Variants in NAALADL2 observed in about 807,000 individuals in gnomAD.
NAALADL2 encodes N-acetylated alpha-linked acidic dipeptidase like 2.
Under a neutral mutation model 87.2 loss-of-function variants are expected in NAALADL2, and 76 were observed. The ratio of observed to expected loss-of-function variants is 0.87; its 90% CI spans 0.72 to 1.05. The LOEUF is 1.05. Ranked by LOEUF, NAALADL2 falls within the 50% of genes least tolerant of loss-of-function variation. The probability of loss-of-function intolerance (pLI) is 0.00; values close to 1 mark genes in which losing one functional copy is unlikely to be tolerated. For synonymous variants in NAALADL2, 354 were observed against 331.0 expected, an observed-to-expected ratio of 1.07 and a Z score of -0.75; for missense variants, 1,089 against 945.8, an observed-to-expected ratio of 1.15 and a Z score of -1.99.
rs960615163 is a variant in NAALADL2, at chr3:175,803,459, A to T, written c.*256A>T. ...ACTTAAGAATTACCTATTAAAAAGA[A>T]ATCTGATATATAAAAATATGTACTA... On this transcript the variant is annotated 3_prime_UTR_variant, in exon 14 of 14. Coordinates refer to ENST00000454872, the MANE Select transcript of NAALADL2 (RefSeq NM_207015.3). 2 of 247,620 alleles carry T rather than the reference A, an allele frequency of 8.1e-6. No homozygotes were observed. Among genetic ancestry groups the T allele is most frequent in the South Asian group, 1.0e-4 (1 of 9,800 alleles). 15.3% of individuals were successfully genotyped at this position (247,620 alleles called of 1,614,324 possible).
intron 1 of NAALADL2, among the ~76,000 whole-genome samples, chr3:175,051,066 G>T (rs1489085393): frequency 6.6e-6 from 1 of 152,144 alleles, no homozygotes; most frequent in East Asian, 1.9e-4. Context: ...AAGAACCAGG[G>T]ATGTAAACTC....
At chr3:174,735,795 G>A (rs1236415994) in intron 2 of NAALADL2, among the ~76,000 whole-genome samples, 1 of 152,118 alleles carries the variant, frequency 6.6e-6, no homozygotes, top group East Asian at 1.9e-4. Flanking sequence ...ATGCTTTTCT[G>A]TTTGGAAACC....
intron 2 of NAALADL2, among the ~76,000 whole-genome samples, chr3:174,583,516 A>C (rs1716385290): frequency 6.6e-6 from 1 of 152,210 alleles, no homozygotes; most frequent in South Asian, 2.1e-4. Context: ...AACCTATCCA[A>C]GGTTAAGCAT....
chr3:175,267,774 C>T (rs1435980425), intron 4 of NAALADL2, among the ~76,000 whole-genome samples: 1 of 152,082 alleles, frequency 6.6e-6, no homozygotes, highest in Non-Finnish European at 1.5e-5. Flanking sequence ...AAATGAATTT[C>T]CAACCTCACA....
chr3:175,597,013 A>G (rs960527678), intron 10 of NAALADL2, among the ~76,000 whole-genome samples: 5 of 151,996 alleles, frequency 3.3e-5, no homozygotes, highest in African/African-American at 9.7e-5. Flanking sequence ...ATATATGTAG[A>G]AGGGTTTAGG....
chr3:175,759,014 C>G (rs1029960412), intron 13 of NAALADL2, among the ~76,000 whole-genome samples: 2 of 152,016 alleles, frequency 1.3e-5, no homozygotes, highest in African/African-American at 4.8e-5. Context: ...AAAAGTGACA[C>G]TAAACACTGG....
chr3:174,906,782 T>A (rs1355389960), intron 1 of NAALADL2, among the ~76,000 whole-genome samples: 1 of 152,066 alleles, frequency 6.6e-6, no homozygotes, highest in Non-Finnish European at 1.5e-5. Flanking sequence ...TGAAATAACT[T>A]GTTTGATGTT....
At chr3:175,327,566 G>A (rs1760889812) in intron 5 of NAALADL2, among the ~76,000 whole-genome samples, 1 of 152,082 alleles carries the variant, frequency 6.6e-6, no homozygotes, top group Admixed American at 6.6e-5. Flanking sequence ...CATACGTATA[G>A]GAGAAATTCA....
intron 1 of NAALADL2, among the ~76,000 whole-genome samples, chr3:174,488,039 A>G (rs1321223482): frequency 1.3e-5 from 2 of 152,052 alleles, no homozygotes; most frequent in African/African-American, 4.8e-5. Flanking sequence ...AATGAGATGG[A>G]TGTCAGGTAG....
At chr3:175,248,596 TATA>T (rs1321179370) in intron 3 of NAALADL2, among the ~76,000 whole-genome samples, 1 of 152,164 alleles carries the variant, frequency 6.6e-6, no homozygotes, top group Non-Finnish European at 1.5e-5. Flanking sequence ...TCTGTTTGGA[TATA>T]TACACATATT....
chr3:175,547,215 C>CA (rs1163249850), intron 9 of NAALADL2, among the ~76,000 whole-genome samples: 3 of 152,014 alleles, frequency 2.0e-5, no homozygotes, highest in Non-Finnish European at 4.4e-5. Context: ...GGTACAGAAA[C>CA]AGACACATAG....
At chr3:174,584,709 C>T (rs559970038) in intron 2 of NAALADL2, among the ~76,000 whole-genome samples, 108 of 152,022 alleles carry the variant, frequency 7.1e-4, no homozygotes, top group Non-Finnish European at 1.3e-3. Context: ...GTATTTAATC[C>T]GGTTTGCTAC....
At chr3:175,448,747 C>T (rs1721086198) in intron 6 of NAALADL2, among the ~76,000 whole-genome samples, 1 of 152,174 alleles carries the variant, frequency 6.6e-6, no homozygotes, top group East Asian at 1.9e-4. Flanking sequence ...CTTGCTCTGT[C>T]ATCAGGGCTA....
At chr3:174,836,677 C>A (rs1232554474) in intron 3 of NAALADL2, among the ~76,000 whole-genome samples, 1 of 133,374 alleles carries the variant, frequency 7.5e-6, no homozygotes, top group Non-Finnish European at 1.5e-5. Context: ...CCACAGCACT[C>A]CAGCCTGGGT....
rs373043570 is a variant in NAALADL2 at position 175,338,791 on chromosome 3, G to A, written c.1090+14466G>A. 2.6e-4 allele frequency among the ~76,000 whole-genome samples: 40 copies of A among 152,162 alleles called. 2 individuals are homozygous for A. The South Asian group carries it at 8.3e-3, about 32-fold the overall frequency. ...TTGAGTTTCCCTGAAATAAAGTTAG[G>A]ATTGGTACTATCCTTTGGCTGGGGC... is the stretch of plus-strand genomic sequence containing the variant. On this transcript the variant is annotated intron_variant, in intron 5 of 13. Transcript: ENST00000454872.
chr3:174,751,551 G>A (rs1012122351), intron 3 of NAALADL2, among the ~76,000 whole-genome samples: 14 of 151,140 alleles, frequency 9.3e-5, no homozygotes, highest in Non-Finnish European at 1.5e-4. Context: ...TAATCCCAGC[G>A]ACTCGGGTGG....
chr3:175,113,985 A>G (rs901461283), intron 2 of NAALADL2, among the ~76,000 whole-genome samples: 1 of 151,656 alleles, frequency 6.6e-6, no homozygotes, highest in Non-Finnish European at 1.5e-5. Flanking sequence ...TCTCACAAAG[A>G]ATCAAGTGTT....
chr3:174,495,767 A>C (rs1718495443), intron 1 of NAALADL2, among the ~76,000 whole-genome samples: 1 of 151,890 alleles, frequency 6.6e-6, no homozygotes, highest in Non-Finnish European at 1.5e-5. Context: ...AAAATGAAAA[A>C]AATAGCTGAG....
chr3:174,985,268 G>C (rs1263814419), intron 1 of NAALADL2, among the ~76,000 whole-genome samples: 1 of 152,182 alleles, frequency 6.6e-6, no homozygotes, highest in Non-Finnish European at 1.5e-5. Context: ...GAAGTGTAGA[G>C]ATATTTGGCG....
Sources: gnomAD v4.1 joint callset for allele counts (sites outside exome capture counted in the v4.1 genomes callset) on GRCh38, gnomAD v4.1.1 for gene constraint, MANE v1.5 for transcripts, NCBI Gene and HGNC (gene_info 2026-07-23, HGNC 2026-07-21) for gene names.